BIRC6: variants seen among roughly 807,000 people sequenced by gnomAD.
BIRC6 encodes the protein dual E2 ubiquitin-conjugating enzyme/E3 ubiquitin-protein ligase BIRC6.
A neutral mutation model predicts 503.3 loss-of-function variants in BIRC6; 98 were observed. The ratio of observed to expected loss-of-function variants is 0.19; its 90% CI spans 0.17 to 0.23. BIRC6 has a LOEUF of 0.23. Ranked by LOEUF, BIRC6 falls within the 10% of genes least tolerant of loss-of-function variation. The pLI is 1.00. For missense variants in BIRC6, 5,360 were observed against 5,806.0 expected (o/e 0.92, Z 2.50); for synonymous variants, 2,240 against 2,078.7 (o/e 1.08, Z -2.11).
At chr2:32,594,151 G>A (rs2151405066) in intron 67 of BIRC6, 91 bp downstream of exon 67, 1 of 1,400,044 alleles carries the variant, frequency 7.1e-7, no homozygotes, top group Non-Finnish European at 9.6e-7. Flanking sequence ...TTTGCTTTAT[G>A]TTAATGATTT....
chr2:32,390,981 G>A (rs2039158464), intron 4 of BIRC6, among the ~76,000 whole-genome samples: 1 of 152,202 alleles, frequency 6.6e-6, no homozygotes, highest in South Asian at 2.1e-4. Context: ...CTGGTGATAT[G>A]TGCTATGGCT....
At chr2:32,394,513 C>T (rs79560386) in intron 5 of BIRC6, among the ~76,000 whole-genome samples, 4,493 of 151,976 alleles carry the variant, frequency 0.03, 126 homozygotes, top group African/African-American at 0.08. Flanking sequence ...CCTTCTTGTT[C>T]AGTTGTATGT....
chr2:32,583,667 G>A (rs1285292029), intron 66 of BIRC6, among the ~76,000 whole-genome samples: 2 of 152,096 alleles, frequency 1.3e-5, no homozygotes, highest in Non-Finnish European at 2.9e-5. Flanking sequence ...GTGACATTTG[G>A]TACATTAGTT....
chr2:32,421,059 T>C (rs1400810824), intron 10 of BIRC6, among the ~76,000 whole-genome samples: 2 of 151,520 alleles, frequency 1.3e-5, no homozygotes, highest in African/African-American at 2.4e-5. Flanking sequence ...TCCCCTCTGC[T>C]TGATTTGGGT....
intron 3 of BIRC6, among the ~76,000 whole-genome samples, chr2:32,386,119 G>T (rs1189847522): frequency 1.3e-5 from 2 of 152,184 alleles, no homozygotes. Context: ...ATGTTAGGAT[G>T]ATCAGGATTT....
In BIRC6 at chr2:32,441,477, T is replaced by G. The variant is rs771075526; in HGVS notation, c.3944+15T>G. ...TCTAAGGAAAGGTAATTTCATTGCA[T>G]TATCTTGTTATTCTTACAGTAATGA... On this transcript the variant is annotated intron_variant, in intron 17 of 73. Coordinates refer to ENST00000421745, the MANE Select transcript of BIRC6 (RefSeq NM_016252.4). 1.3e-6 allele frequency: 2 copies of G among 1,596,016 alleles called. No homozygotes were observed. Among genetic ancestry groups the G allele is most frequent in the South Asian group, 2.2e-5 (2 of 89,226 alleles).
intron 21 of BIRC6, among the ~76,000 whole-genome samples, chr2:32,446,040 G>A (rs2045911784): frequency 6.6e-6 from 1 of 152,018 alleles, no homozygotes; most frequent in Non-Finnish European, 1.5e-5. Flanking sequence ...ATGTTTAGTA[G>A]AGACGGGGTT....
rs1219266605 is a variant in BIRC6, at chr2:32,543,481, A to G, written c.12532A>G (p.Arg4178Gly). 1 of 1,614,010 alleles carries G rather than the reference A, an allele frequency of 6.2e-7. No homozygotes were observed. Among genetic ancestry groups the G allele is most frequent in the Admixed American group, 1.7e-5 (1 of 60,020 alleles). The change falls in exon 62 of 74, where the codon AGA becomes GGA. Residue 4178 changes from arginine (R) to glycine (G), a missense_variant. Coordinates refer to ENST00000421745, the MANE Select transcript of BIRC6 (RefSeq NM_016252.4). ...CTATGCGGAAGTGCTACTGAAAGAG[A>G]GAAAACATGCCCAGTGCCTTCTTCG... ...PGYAEVLLKE[R>G]KHAQCLLRLV... is the part of the protein sequence containing the mutation.
chr2:32,388,834 C>G lies in BIRC6; in HGVS notation c.730C>G (p.Gln244Glu), dbSNP rs770256373. The G allele has an allele frequency of 1.9e-6, 3 of 1,613,110 alleles. No individual in the cohort carries two copies. In the African/African-American group the frequency reaches 4.0e-5, roughly 22 times the overall value. ...AIVNELKKIN[Q>E]NVAALPVASS... Reference sequence around the variant, plus strand: ...TGTAAATGAACTCAAGAAAATAAATCAAAATGTTGCTGCCTTACCTGTGGC... The same window carrying G: ...TGTAAATGAACTCAAGAAAATAAATGAAAATGTTGCTGCCTTACCTGTGGC... The change falls in exon 4 of 74, where the codon CAA (glutamine) becomes GAA (glutamate). Residue 244 changes from glutamine to glutamate, a missense_variant. Gln to Glu is a conservative substitution (Grantham distance 29). Coordinates refer to ENST00000421745, the MANE Select transcript of BIRC6 (RefSeq NM_016252.4).
intron 63 of BIRC6, 49 bp from the exon 64 acceptor site, chr2:32,547,801 G>C: frequency 1.4e-6 from 2 of 1,412,874 alleles, no homozygotes; most frequent in Non-Finnish European, 1.9e-6. Context: ...TATTTTTGAA[G>C]ATAAGCAAAA....
chr2:32,404,688 T>G (rs984537404), intron 8 of BIRC6, among the ~76,000 whole-genome samples: 1 of 151,912 alleles, frequency 6.6e-6, no homozygotes, highest in Non-Finnish European at 1.5e-5. Flanking sequence ...ATAATTTTTT[T>G]TTTTCTCTTG....
chr2:32,379,413 C>G (rs951910262), intron 2 of BIRC6: 1 of 152,136 alleles, frequency 6.6e-6, no homozygotes, highest in African/African-American at 2.4e-5. Flanking sequence ...AATACTTGAA[C>G]ACTTATTAAC....
chr2:32,573,999 G>A (rs1252260821), intron 65 of BIRC6, among the ~76,000 whole-genome samples: 2 of 150,854 alleles, frequency 1.3e-5, no homozygotes, highest in African/African-American at 4.9e-5. Context: ...ACTTTTTTTT[G>A]TTTTCCAAAA....
chr2:32,517,121 A>G (rs1472100381), intron 55 of BIRC6, among the ~76,000 whole-genome samples: 4 of 152,176 alleles, frequency 2.6e-5, no homozygotes, highest in Admixed American at 2.6e-4. Context: ...ACTTGAGCTT[A>G]GAAGTTTGAG....
intron 23 of BIRC6, among the ~76,000 whole-genome samples, chr2:32,460,536 C>T (rs2047780125): frequency 6.6e-6 from 1 of 151,624 alleles, no homozygotes; most frequent in Admixed American, 6.6e-5. Flanking sequence ...CTTGGTCTCC[C>T]AAAGTGCTGG....
chr2:32,432,125 G>A (rs2148010870), intron 12 of BIRC6, among the ~76,000 whole-genome samples: 1 of 152,004 alleles, frequency 6.6e-6, no homozygotes, highest in Middle Eastern at 3.4e-3. Flanking sequence ...ATCCAAAGAG[G>A]TAGCTGGGTG....
intron 66 of BIRC6, among the ~76,000 whole-genome samples, chr2:32,591,405 A>G (rs1406802432): frequency 6.6e-6 from 1 of 152,164 alleles, no homozygotes; most frequent in Non-Finnish European, 1.5e-5. Context: ...CTTGTGTACT[A>G]TTTTAATAAT....
intron 40 of BIRC6, among the ~76,000 whole-genome samples, chr2:32,487,390 C>G (rs2051127437): frequency 6.6e-6 from 1 of 152,040 alleles, no homozygotes; most frequent in Non-Finnish European, 1.5e-5. Flanking sequence ...ATAAAAATTG[C>G]TAGAAAAGTT....
At chr2:32,395,332 G>T (rs1364981650) in intron 5 of BIRC6, among the ~76,000 whole-genome samples, 179 bp from the exon 6 acceptor site, 1 of 152,038 alleles carries the variant, frequency 6.6e-6, no homozygotes, top group African/African-American at 2.4e-5. Context: ...AAATAATGCA[G>T]GCAATTAATA....
Sources: gnomAD v4.1 joint callset for allele counts (sites outside exome capture counted in the v4.1 genomes callset) on GRCh38, gnomAD v4.1.1 for gene constraint, MANE v1.5 for transcripts, NCBI Gene and HGNC (gene_info 2026-07-23, HGNC 2026-07-21) for gene names.